PCNX2: variants seen among roughly 807,000 people sequenced by gnomAD.
PCNX2 encodes the protein pecanex 2.
In PCNX2, 168 loss-of-function variants were observed where a neutral mutation model predicts 223.8. The ratio of observed to expected loss-of-function variants is 0.75; its 90% CI spans 0.66 to 0.85. The LOEUF is 0.85. Ranked by LOEUF, PCNX2 falls within the 40% of genes least tolerant of loss-of-function variation. The pLI is 0.00. For synonymous variants in PCNX2, 1,006 were observed against 1,052.6 expected, an observed-to-expected ratio of 0.96 and a Z score of 0.86; for missense variants, 2,507 against 2,675.5, an observed-to-expected ratio of 0.94 and a Z score of 1.39.
At chr1:233,169,442 C>T (rs904957900) in intron 17 of PCNX2, among the ~76,000 whole-genome samples, 2 of 151,530 alleles carry the variant, frequency 1.3e-5, no homozygotes, top group Non-Finnish European at 2.9e-5. Flanking sequence ...GTCAGGAGAT[C>T]GAGACCATCC....
At chr1:233,133,801 A>C (rs1020335401) in intron 21 of PCNX2, among the ~76,000 whole-genome samples, 3 of 152,190 alleles carry the variant, frequency 2.0e-5, no homozygotes, top group African/African-American at 7.2e-5. Context: ...TGGAGGCTGC[A>C]GTGAGCAATA....
At chr1:233,140,083 A>G (rs774370047) in intron 19 of PCNX2, among the ~76,000 whole-genome samples, 2 of 102,834 alleles carry the variant, frequency 1.9e-5, no homozygotes, top group African/African-American at 4.7e-5. Context: ...CAGCATCCCA[A>G]TTGTTCAAGT....
At chr1:233,061,149 G>A (rs1476679154) in intron 23 of PCNX2, among the ~76,000 whole-genome samples, 2 of 152,126 alleles carry the variant, frequency 1.3e-5, no homozygotes, top group Non-Finnish European at 2.9e-5. Flanking sequence ...AAGTTTGGTG[G>A]GGGTCTGTTC....
intron 25 of PCNX2, among the ~76,000 whole-genome samples, chr1:233,038,461 T>C (rs1036653851): frequency 3.3e-5 from 5 of 152,230 alleles, no homozygotes; most frequent in African/African-American, 1.2e-4. Context: ...ATGCAGATCC[T>C]GTTCACGTTC....
intron 21 of PCNX2, among the ~76,000 whole-genome samples, chr1:233,127,775 G>T (rs1439883163): frequency 6.6e-6 from 1 of 152,192 alleles, no homozygotes; most frequent in Non-Finnish European, 1.5e-5. Context: ...TATGCACAAA[G>T]TGTTCAGAAC....
In PCNX2 at chr1:232,990,993, G is replaced by A. The variant is rs551964934; in HGVS notation, c.5792-4453C>T. Among the ~76,000 whole-genome samples the A allele has an allele frequency of 6.6e-6, 1 of 152,322 alleles. No homozygotes were observed. The highest frequency in any genetic ancestry group is 2.4e-5 in the African/African-American group (1 of 41,568). ...GAAGAGGGTGGTGTGGTCTTCACATGTGCTCCTGTCACAGGCTCTGCAGAA... is the reference window on the plus strand; with the variant it reads ...GAAGAGGGTGGTGTGGTCTTCACATATGCTCCTGTCACAGGCTCTGCAGAA... On this transcript the variant is annotated intron_variant, in intron 32 of 33. Transcript: ENST00000258229. The surrounding 1 kb of genome is among the most constrained non-coding windows in gnomAD (Gnocchi z 4.3).
intron 19 of PCNX2, among the ~76,000 whole-genome samples, chr1:233,155,863 AT>A (rs1434964696): frequency 6.6e-6 from 1 of 152,246 alleles, no homozygotes; most frequent in African/African-American, 2.4e-5. Context: ...TTCTAAAAAT[AT>A]GAGTACTCCT....
chr1:233,034,843 C>G (rs1340210097), intron 25 of PCNX2, among the ~76,000 whole-genome samples: 1 of 152,142 alleles, frequency 6.6e-6, no homozygotes, highest in Admixed American at 6.5e-5. Flanking sequence ...GAAGGGAAAG[C>G]TAGAGTTAGA....
rs536208418 is a variant in PCNX2 at position 232,984,331 on chromosome 1, C to G, written c.6387G>C (p.Ser2129=). 1 of 1,609,500 alleles carries G rather than the reference C, an allele frequency of 6.2e-7. No homozygotes were observed. Among genetic ancestry groups the G allele is most frequent in the South Asian group, 1.1e-5 (1 of 90,530 alleles). ...ACTGCTCGTCTGACACACTTTGCTG[C>G]GAGGCCGTGTCGTCCAGGCCCATGT... The part of the protein sequence containing the change: ...QEDMGLDDTA[S]QQSVSDEQ Residue 2129 remains serine (S), a synonymous_variant, in exon 34 of 34, where the codon TCG becomes TCC. Transcript: ENST00000258229.
intron 8 of PCNX2, among the ~76,000 whole-genome samples, chr1:233,238,416 C>T (rs1658546651): frequency 1.3e-5 from 2 of 152,064 alleles, no homozygotes; most frequent in Non-Finnish European, 1.5e-5. Context: ...TACAGCTGGG[C>T]GCAGTAGCTG....
intron 23 of PCNX2, among the ~76,000 whole-genome samples, chr1:233,087,306 C>T (rs573998381): frequency 6.6e-6 from 1 of 152,232 alleles, no homozygotes; most frequent in Non-Finnish European, 1.5e-5. Flanking sequence ...GCTAGGTGGC[C>T]TCCAACACAC....
intron 8 of PCNX2, among the ~76,000 whole-genome samples, chr1:233,247,777 T>A (rs1572147477): frequency 1.3e-5 from 2 of 150,962 alleles, no homozygotes; most frequent in South Asian, 2.1e-4. Flanking sequence ...ACTGGGAAGG[T>A]TGAGGCAGGA....
At chr1:233,089,237 G>A (rs1673753727) in intron 23 of PCNX2, among the ~76,000 whole-genome samples, 1 of 152,186 alleles carries the variant, frequency 6.6e-6, no homozygotes, top group Admixed American at 6.5e-5. Flanking sequence ...CACAAGTATG[G>A]CTAATAAATT....
At chr1:233,101,793 T>A (rs948896921) in intron 21 of PCNX2, among the ~76,000 whole-genome samples, 1 of 152,160 alleles carries the variant, frequency 6.6e-6, no homozygotes, top group Non-Finnish European at 1.5e-5. Context: ...AGCTGAGGAA[T>A]TGGGTTTTAG....
At chr1:233,306,976 A>G in the PCNX2 span, among the ~76,000 whole-genome samples, 1 of 152,234 alleles carries the variant, frequency 6.6e-6, no homozygotes, top group Non-Finnish European at 1.5e-5. Flanking sequence ...TGATTTTTAA[A>G]AAGATATATA....
chr1:233,273,373 A>T (rs1466905322), intron 1 of PCNX2, among the ~76,000 whole-genome samples: 2 of 151,956 alleles, frequency 1.3e-5, no homozygotes, highest in Non-Finnish European at 2.9e-5. Flanking sequence ...GGGTCCTTAG[A>T]GGCTGGGCTA....
intron 25 of PCNX2, chr1:233,033,203 C>G (rs1671331387): frequency 1.0e-6 from 1 of 985,262 alleles, no homozygotes; most frequent in South Asian, 4.7e-5. Context: ...ACACCTTTGT[C>G]ACACCTACCA....
chr1:233,172,087 G>T (rs1383709700), intron 17 of PCNX2, among the ~76,000 whole-genome samples: 1 of 152,010 alleles, frequency 6.6e-6, no homozygotes, highest in Non-Finnish European at 1.5e-5. Context: ...TATTTTCTAT[G>T]GTCTATAAAT....
chr1:233,017,314 CTTTT>C (rs57419971), intron 26 of PCNX2, among the ~76,000 whole-genome samples, 160 bp from the exon 27 acceptor site: 4 of 81,948 alleles, frequency 4.9e-5, no homozygotes, highest in African/African-American at 9.8e-5. Context: ...CTAAAATGTC[CTTTT>C]TTTTTTTTTT....
Sources: allele counts gnomAD v4.1 joint callset (sites outside exome capture counted in the v4.1 genomes callset), GRCh38; gene constraint gnomAD v4.1.1; non-coding constraint Gnocchi (gnomAD v3.1); transcripts MANE v1.5; gene names NCBI Gene and HGNC (gene_info 2026-07-23, HGNC 2026-07-21).